The following SLC6A11 variants were observed in gnomAD, a reference collection of about 807,000 sequenced individuals.
SLC6A11 encodes solute carrier family 6 member 11.
Under a neutral mutation model 74.8 loss-of-function variants are expected in SLC6A11, and 25 were observed. That is an observed-to-expected ratio of 0.33 (90% CI 0.24 to 0.47). The LOEUF is 0.47. SLC6A11 is among the 20% of genes least tolerant of loss of function. SLC6A11 has a pLI of 1.00. For synonymous variants in SLC6A11, 330 were observed against 330.2 expected (o/e 1.00, Z 0.01); for missense variants, 574 against 837.0 (o/e 0.69, Z 3.88).
chr3:10,876,784 G>GAAA (rs1188533364), intron 6 of SLC6A11, among the ~76,000 whole-genome samples: 18 of 78,094 alleles, frequency 2.3e-4, no homozygotes, highest in Non-Finnish European at 3.4e-4. Context: ...GAGAGAGAGA[G>GAAA]AAAAAAAAAA....
chr3:10,844,021 T>C (rs1189889002), intron 4 of SLC6A11, among the ~76,000 whole-genome samples, 193 bp from the exon 5 acceptor site: 2 of 152,182 alleles, frequency 1.3e-5, no homozygotes, highest in African/African-American at 2.4e-5. Flanking sequence ...AGAGAGTGAA[T>C]TCATGATCCA....
intron 4 of SLC6A11, among the ~76,000 whole-genome samples, chr3:10,836,648 G>A (rs1227953594): frequency 6.6e-6 from 1 of 152,178 alleles, no homozygotes; most frequent in African/African-American, 2.4e-5. Flanking sequence ...CTGTACAAAT[G>A]TATTTGTTTC....
At chr3:10,884,508 G>A (rs1470831117) in intron 6 of SLC6A11, among the ~76,000 whole-genome samples, 6 of 152,186 alleles carry the variant, frequency 3.9e-5, no homozygotes, top group Non-Finnish European at 7.3e-5. Context: ...ACCAATGAGA[G>A]GACTGAGGCT....
chr3:10,935,314 G>A (rs1050114657), intron 13 of SLC6A11, 115 bp downstream of exon 13: 11 of 916,376 alleles, frequency 1.2e-5, no homozygotes, highest in Admixed American at 6.3e-5. Context: ...TCAAGGGGAC[G>A]CTGTGGCAAA....
chr3:10,857,017 T>A (rs1377996944), intron 5 of SLC6A11, among the ~76,000 whole-genome samples: 1 of 152,198 alleles, frequency 6.6e-6, no homozygotes, highest in Non-Finnish European at 1.5e-5. Flanking sequence ...TTGCTTGCAG[T>A]TTTTACAAAT....
chr3:10,876,293 A>C (rs1320332648), intron 6 of SLC6A11, among the ~76,000 whole-genome samples: 1 of 152,234 alleles, frequency 6.6e-6, no homozygotes, highest in African/African-American at 2.4e-5. Context: ...TCTGAATTGC[A>C]GGCAGAATCC....
intron 3 of SLC6A11, 135 bp downstream of exon 3, chr3:10,819,987 C>G (rs1694117331): frequency 4.5e-6 from 4 of 885,546 alleles, no homozygotes; most frequent in African/African-American, 3.3e-5. Flanking sequence ...CTTGCTGAAA[C>G]TGGGGTCAGC....
chr3:10,819,351 C>A, intron 1 of SLC6A11, 114 bp from the exon 2 acceptor site: 1 of 1,108,814 alleles, frequency 9.0e-7, no homozygotes, highest in Non-Finnish European at 1.3e-6. Context: ...GGAACTTGAA[C>A]TCAAGTTCAA....
chr3:10,844,271 G>A lies in SLC6A11; in HGVS notation c.681G>A (p.Glu227=), dbSNP rs746125604. 3.1e-6 allele frequency: 5 copies of A among 1,614,100 alleles called. No homozygotes were observed. The Admixed American group carries it at 6.7e-5, about 22-fold the overall frequency. Residue 227 remains glutamate, a synonymous_variant, in exon 5 of 14, where the codon GAG becomes GAA. Coordinates refer to ENST00000254488, the MANE Select transcript of SLC6A11 (RefSeq NM_014229.3). ...AGCACATCGGGAACCTTCGCTGGGA[G>A]CTGGCCTTGTGTCTCTTGGCAGCCT... ...GIEHIGNLRW[E]LALCLLAAWT... is the part of the protein sequence containing the mutation.
intron 10 of SLC6A11, among the ~76,000 whole-genome samples, chr3:10,930,653 C>T (rs114400776): frequency 0.012 from 1,886 of 152,232 alleles, 24 homozygotes; most frequent in Non-Finnish European, 0.018. Context: ...TAGCCTGATG[C>T]GTTAAAGAGG....
chr3:10,930,684 A>T (rs1365537207), intron 10 of SLC6A11, among the ~76,000 whole-genome samples: 1 of 152,114 alleles, frequency 6.6e-6, no homozygotes, highest in Non-Finnish European at 1.5e-5. Context: ...GAATTCCAAG[A>T]GGAGCAGATG....
rs945448073 is a variant in SLC6A11, at chr3:10,816,820, G to A, written c.256+299G>A. Among the ~76,000 whole-genome samples the A allele has an allele frequency of 1.3e-5, 2 of 152,248 alleles. No homozygotes were observed. The highest frequency in any genetic ancestry group is 2.9e-5 in the Non-Finnish European group (2 of 68,042). Reference sequence around the variant, plus strand: ...CAGGGAGCCCTTGCTTTGGGTAGGCGCCCTGGTGTTTCGGGCACTTGGCCC... The same window carrying A: ...CAGGGAGCCCTTGCTTTGGGTAGGCACCCTGGTGTTTCGGGCACTTGGCCC... On this transcript the variant is annotated intron_variant, in intron 1 of 13. Transcript: ENST00000254488. The surrounding 1 kb of genome is among the most constrained non-coding windows in gnomAD (Gnocchi z 4.2).
At chr3:10,902,291 A>T (rs1299448361) in intron 6 of SLC6A11, among the ~76,000 whole-genome samples, 2 of 152,206 alleles carry the variant, frequency 1.3e-5, no homozygotes, top group East Asian at 3.8e-4. Context: ...CCTAGGAGGG[A>T]TGAAGTGTTG....
At chr3:10,852,540 A>G (rs1474526843) in intron 5 of SLC6A11, among the ~76,000 whole-genome samples, 1 of 152,240 alleles carries the variant, frequency 6.6e-6, no homozygotes, top group Non-Finnish European at 1.5e-5. Flanking sequence ...AGGCCCCCCA[A>G]AGTCCCAGTG....
intron 6 of SLC6A11, among the ~76,000 whole-genome samples, chr3:10,886,238 C>T (rs534307997): frequency 6.6e-6 from 1 of 152,312 alleles, no homozygotes; most frequent in East Asian, 1.9e-4. Flanking sequence ...CTGGTGTGAC[C>T]AGAAGCAGAG....
Position 10,819,568 on chromosome 3 carries a change from G to A in SLC6A11, c.360G>A (p.Thr120=), listed in dbSNP as rs560677877. ...LGQFTSEGGI[T]CWRKVCPLFE... is the part of the protein sequence containing the mutation. Reference sequence around the variant, plus strand: ...AGTTCACAAGTGAAGGTGGCATTACGTGTTGGAGGAAAGTTTGCCCTTTAT... The same window carrying A: ...AGTTCACAAGTGAAGGTGGCATTACATGTTGGAGGAAAGTTTGCCCTTTAT... Residue 120 remains threonine (T), a synonymous_variant, in exon 2 of 14, where the codon ACG becomes ACA. Coordinates refer to ENST00000254488, the MANE Select transcript of SLC6A11 (RefSeq NM_014229.3). 1.5e-5 allele frequency: 25 copies of A among 1,614,126 alleles called. No homozygotes were observed. The highest frequency in any genetic ancestry group is 7.7e-5 in the South Asian group (7 of 91,042).
At chr3:10,878,781 C>A (rs548746840) in intron 6 of SLC6A11, among the ~76,000 whole-genome samples, 1 of 152,110 alleles carries the variant, frequency 6.6e-6, no homozygotes, top group Non-Finnish European at 1.5e-5. Flanking sequence ...GCCCACCATG[C>A]ACCACCCCCA....
chr3:10,933,831 C>A (rs916984115), intron 11 of SLC6A11: 1 of 382,312 alleles, frequency 2.6e-6, no homozygotes. Flanking sequence ...TCATCATTTC[C>A]TGGGCCTGAG....
intron 8 of SLC6A11, among the ~76,000 whole-genome samples, chr3:10,925,737 A>G (rs958421621): frequency 1.3e-5 from 2 of 152,206 alleles, no homozygotes; most frequent in African/African-American, 4.8e-5. Flanking sequence ...GTCCAGAGGA[A>G]GGTCCATGGA....
Sources: gnomAD v4.1 joint callset for allele counts (sites outside exome capture counted in the v4.1 genomes callset) on GRCh38, gnomAD v4.1.1 for gene constraint, Gnocchi (gnomAD v3.1) non-coding constraint, MANE v1.5 for transcripts, NCBI Gene and HGNC (gene_info 2026-07-23, HGNC 2026-07-21) for gene names.